BCL11B: variants seen among roughly 807,000 people sequenced by gnomAD.
The protein encoded by BCL11B is B-cell lymphoma/leukemia 11B.
BCL11B carries 8 observed loss-of-function variants against 49.9 expected under a neutral mutation model. The observed-to-expected ratio is 0.16, with a 90% CI of 0.09 to 0.29. The LOEUF is 0.29. Among genes scored for constraint, BCL11B ranks in the 10% least tolerant of loss-of-function variants. The probability of loss-of-function intolerance (pLI) is 1.00; values close to 1 mark genes in which losing one functional copy is unlikely to be tolerated. For missense variants in BCL11B, 1,006 were observed against 1,351.0 expected (o/e 0.74, Z 4.00); for synonymous variants, 739 against 637.4 (o/e 1.16, Z -2.40).
intron 2 of BCL11B, among the ~76,000 whole-genome samples, chr14:99,233,941 C>T (rs545470923): frequency 1.3e-5 from 2 of 152,238 alleles, no homozygotes; most frequent in South Asian, 4.2e-4. Context: ...CTCTCTGGGG[C>T]TCCCAGAGCA....
At chr14:99,238,787 C>T (rs187786441) in intron 2 of BCL11B, among the ~76,000 whole-genome samples, 12 of 152,318 alleles carry the variant, frequency 7.9e-5, no homozygotes, top group Non-Finnish European at 1.5e-4. Context: ...TGCTCCTAGG[C>T]ATCACGGCTT....
rs1216086134 is a variant in BCL11B, at chr14:99,169,345, G to C, written c.*4806C>G. ...TATAACTTGAAACCAGAACAAACTT[G>C]GTTTTGAACAAGCGTACAAATGAAA... On this transcript the variant is annotated 3_prime_UTR_variant, in exon 4 of 4. Coordinates refer to ENST00000357195, the MANE Select transcript of BCL11B (RefSeq NM_138576.4). 4 of 192,470 alleles carry C rather than the reference G, an allele frequency of 2.1e-5. No individual in the cohort carries two copies. The East Asian group carries it at 3.3e-4, about 16-fold the overall frequency. 11.9% of individuals were successfully genotyped at this position (192,470 alleles called of 1,614,324 possible).
At position 99,271,105 on chromosome 14, in the gene BCL11B, C is replaced by T. The variant is rs1889663706; in HGVS notation, c.58+56G>A. 3 of 1,483,494 alleles carry T rather than the reference C, an allele frequency of 2.0e-6. No individual in the cohort carries two copies. The Admixed American group carries it at 6.6e-5, about 33-fold the overall frequency. The allele number at this position is 1,483,494 out of a possible 1,614,324, so 91.9% of individuals were successfully genotyped here. On this transcript the variant is annotated intron_variant, in intron 1 of 3. Coordinates refer to ENST00000357195, the MANE Select transcript of BCL11B (RefSeq NM_138576.4). The stretch of plus-strand genomic sequence containing the variant: ...CTGTTCCGGGCTCGGTGTCCCCAGC[C>T]CCAGACGCCCGGAGCCCCATCTCCG...
chr14:99,246,553 G>A (rs1888846433), intron 2 of BCL11B, among the ~76,000 whole-genome samples: 1 of 152,216 alleles, frequency 6.6e-6, no homozygotes, highest in African/African-American at 2.4e-5. Flanking sequence ...CCCCCGCGCA[G>A]TTTTGAAGTT....
chr14:99,250,004 AACT>A (rs1180934037), intron 2 of BCL11B, among the ~76,000 whole-genome samples: 1 of 150,988 alleles, frequency 6.6e-6, no homozygotes, highest in African/African-American at 2.4e-5. Context: ...CTGTAATCCC[AACT>A]ACTCAGGAGG....
chr14:99,197,335 C>T (rs778748920), intron 3 of BCL11B, among the ~76,000 whole-genome samples: 2 of 152,138 alleles, frequency 1.3e-5, no homozygotes, highest in East Asian at 1.9e-4. Flanking sequence ...TAAAGACACC[C>T]CTGGCCCCTC....
At chr14:99,219,416 T>C (rs1595257055) in intron 3 of BCL11B, among the ~76,000 whole-genome samples, 3 of 152,064 alleles carry the variant, frequency 2.0e-5, no homozygotes, top group South Asian at 2.1e-4. Context: ...TACAGGACAA[T>C]AGAGAGAAAG....
At chr14:99,235,865 C>T (rs1888482657) in intron 2 of BCL11B, among the ~76,000 whole-genome samples, 1 of 148,432 alleles carries the variant, frequency 6.7e-6, no homozygotes, top group Non-Finnish European at 1.5e-5. Flanking sequence ...TTGGCAGGTA[C>T]AAGACAGCTC....
At chr14:99,178,791 C>A (rs892944090) in intron 3 of BCL11B, among the ~76,000 whole-genome samples, 3 of 152,212 alleles carry the variant, frequency 2.0e-5, no homozygotes, top group African/African-American at 7.2e-5. Flanking sequence ...AATTAAAGAT[C>A]GTTCCTGTAC....
chr14:99,256,657 G>C (rs1889172534), intron 2 of BCL11B, among the ~76,000 whole-genome samples: 1 of 152,214 alleles, frequency 6.6e-6, no homozygotes, highest in Admixed American at 6.5e-5. Context: ...CATGGTGCTG[G>C]CCAAGAGGGA....
intron 2 of BCL11B, among the ~76,000 whole-genome samples, chr14:99,235,282 T>C (rs968742608): frequency 1.3e-5 from 2 of 152,274 alleles, no homozygotes; most frequent in Admixed American, 6.5e-5. Context: ...TGCCTTTCAA[T>C]TGATACATTT....
At chr14:99,226,611 C>A (rs1046658849) in intron 3 of BCL11B, among the ~76,000 whole-genome samples, 1 of 152,232 alleles carries the variant, frequency 6.6e-6, no homozygotes, top group East Asian at 1.9e-4. Flanking sequence ...CAGACCATAT[C>A]ATTAACACAA....
intron 3 of BCL11B, among the ~76,000 whole-genome samples, chr14:99,203,856 A>G (rs775601791): frequency 3.9e-5 from 6 of 152,138 alleles, no homozygotes; most frequent in Non-Finnish European, 8.8e-5. Context: ...AGAAGGAAGC[A>G]GCCACCTCCC....
Position 99,174,141 on chromosome 14 carries a change from GC to G in BCL11B, c.*9del. The G allele has an allele frequency of 6.2e-7, 1 of 1,608,346 alleles. No individual in the cohort carries two copies. On this transcript the variant is annotated 3_prime_UTR_variant, in exon 4 of 4. Coordinates refer to ENST00000357195, the MANE Select transcript of BCL11B (RefSeq NM_138576.4). ...CACTGTACAGGTGCGGGGCGCCGGG[GC>G]CCGCGCGCTTAGCTCCTCTCGGCCT...
chr14:99,254,325 T>C (rs923644567), intron 2 of BCL11B, among the ~76,000 whole-genome samples: 2 of 152,242 alleles, frequency 1.3e-5, no homozygotes, highest in African/African-American at 2.4e-5. Flanking sequence ...ACAGCTGATA[T>C]GGGGTCCCCG....
chr14:99,197,840 G>T (rs573954315), intron 3 of BCL11B, among the ~76,000 whole-genome samples: 4 of 152,276 alleles, frequency 2.6e-5, no homozygotes, highest in Non-Finnish European at 5.9e-5. Context: ...TCTGGGTCAT[G>T]CACCCCCAGC....
At chr14:99,266,921 T>C (rs1193424647) in intron 1 of BCL11B, among the ~76,000 whole-genome samples, 1 of 152,242 alleles carries the variant, frequency 6.6e-6, no homozygotes, top group Non-Finnish European at 1.5e-5. Flanking sequence ...TTCTAAGCTA[T>C]AAGACAGTGC....
intron 3 of BCL11B, among the ~76,000 whole-genome samples, chr14:99,185,472 CAGTA>C (rs1886826349): frequency 6.7e-6 from 1 of 149,734 alleles, no homozygotes; most frequent in African/African-American, 2.5e-5. Flanking sequence ...ACTATATGAC[CAGTA>C]ATGTTCAAGC....
rs566283357 is a variant in BCL11B, at chr14:99,188,176, T to C, written c.641-11981A>G. 1.6e-4 allele frequency among the ~76,000 whole-genome samples: 25 copies of C among 152,300 alleles called. No individual in the cohort carries two copies. In the South Asian group the frequency reaches 4.6e-3, roughly 28 times the overall value. On this transcript the variant is annotated intron_variant, in intron 3 of 3. Transcript: ENST00000357195. ...TCTCATTTGTCTCTGAAGTTAAAGG[T>C]TATTCCCTTGTTCTGAATTTGTAAT...
Sources: gnomAD v4.1 joint callset for allele counts (sites outside exome capture counted in the v4.1 genomes callset) on GRCh38, gnomAD v4.1.1 for gene constraint, MANE v1.5 for transcripts, NCBI Gene and HGNC (gene_info 2026-07-23, HGNC 2026-07-21) for gene names.